Variants in SCFD2 observed in about 807,000 individuals in gnomAD.
The protein encoded by SCFD2 is sec1 family domain containing 2.
In SCFD2, 54 loss-of-function variants were observed where a neutral mutation model predicts 58.9. The ratio of observed to expected loss-of-function variants is 0.92; its 90% CI spans 0.74 to 1.15. The LOEUF is 1.15. SCFD2 is among the 50% of genes most tolerant of loss of function. SCFD2 has a pLI of 0.00. For synonymous variants in SCFD2, 321 were observed against 335.9 expected, an observed-to-expected ratio of 0.96 and a Z score of 0.49; for missense variants, 805 against 836.6, an observed-to-expected ratio of 0.96 and a Z score of 0.47.
chr4:53,046,149 T>C (rs951338204), intron 5 of SCFD2, among the ~76,000 whole-genome samples: 3 of 152,166 alleles, frequency 2.0e-5, no homozygotes, highest in African/African-American at 7.2e-5. Context: ...TAAAAAATCT[T>C]TTCAAAACAA....
intron 5 of SCFD2, among the ~76,000 whole-genome samples, chr4:53,040,612 G>A (rs979143721): frequency 2.0e-5 from 3 of 152,032 alleles, no homozygotes; most frequent in South Asian, 2.1e-4. Flanking sequence ...AAAAATTTCC[G>A]AGGAATGCCC....
At chr4:53,223,961 G>T (rs1729122581) in intron 4 of SCFD2, among the ~76,000 whole-genome samples, 1 of 152,188 alleles carries the variant, frequency 6.6e-6, no homozygotes, top group Non-Finnish European at 1.5e-5. Context: ...GATAAAGATG[G>T]TCATAAATTC....
intron 4 of SCFD2, among the ~76,000 whole-genome samples, chr4:53,155,410 A>G (rs1463344360): frequency 6.6e-6 from 1 of 152,202 alleles, no homozygotes; most frequent in Non-Finnish European, 1.5e-5. Flanking sequence ...TGCAGCAAAA[A>G]GGCCTCACCA....
chr4:53,139,675 C>T (rs1280236715), intron 5 of SCFD2, among the ~76,000 whole-genome samples: 4 of 152,170 alleles, frequency 2.6e-5, no homozygotes. Flanking sequence ...TGAGGAGCCC[C>T]TCTGCCCGGC....
chr4:53,154,269 C>T (rs1330181410), intron 4 of SCFD2, among the ~76,000 whole-genome samples: 2 of 152,160 alleles, frequency 1.3e-5, no homozygotes, highest in African/African-American at 4.8e-5. Flanking sequence ...AAGCATGGCA[C>T]AAGCATCTGC....
intron 7 of SCFD2, among the ~76,000 whole-genome samples, chr4:52,892,217 T>C (rs933535580): frequency 1.3e-5 from 2 of 152,178 alleles, no homozygotes; most frequent in Non-Finnish European, 2.9e-5. Context: ...CCTCCACTCA[T>C]TTACGGCTGC....
At chr4:53,240,310 A>G (rs1729854945) in intron 4 of SCFD2, among the ~76,000 whole-genome samples, 1 of 152,240 alleles carries the variant, frequency 6.6e-6, no homozygotes. Flanking sequence ...AGAAAAAAAT[A>G]GTTTCAACTA....
intron 4 of SCFD2, among the ~76,000 whole-genome samples, chr4:53,234,887 T>C (rs979767515): frequency 3.9e-5 from 6 of 152,228 alleles, no homozygotes; most frequent in Admixed American, 2.0e-4. Flanking sequence ...TTAAGCAAGA[T>C]AGGAATGTAT....
In SCFD2 at chr4:53,215,036, C is replaced by T. The variant is rs994710372; in HGVS notation, c.1311+58790G>A. Among the ~76,000 whole-genome samples the T allele has an allele frequency of 4.7e-3, 711 of 152,142 alleles. 4 individuals carry two copies. Among genetic ancestry groups the T allele is most frequent in the South Asian group, 7.5e-3 (36 of 4,820 alleles). On this transcript the variant is annotated intron_variant, in intron 4 of 8. Coordinates refer to ENST00000401642, the MANE Select transcript of SCFD2 (RefSeq NM_152540.4). ...TATCTCTGTTTTGGTACCAGTACCACGCTGTTTTGGTTACTGTAGCCTTGT... is the reference window on the plus strand; with the variant it reads ...TATCTCTGTTTTGGTACCAGTACCATGCTGTTTTGGTTACTGTAGCCTTGT...
In SCFD2 at chr4:53,232,369, A is replaced by G. The variant is rs79979969; in HGVS notation, c.1311+41457T>C. On this transcript the variant is annotated intron_variant, in intron 4 of 8. Transcript: ENST00000401642. Reference sequence around the variant, plus strand: ...GCTCCACGTGGAAGGGTGATAATCTATCAATTTTTAACACATATTTTTCCC... The same window carrying G: ...GCTCCACGTGGAAGGGTGATAATCTGTCAATTTTTAACACATATTTTTCCC... Among the ~76,000 whole-genome samples, 6 of 152,278 alleles carry G rather than the reference A, an allele frequency of 3.9e-5. No homozygotes were observed. The East Asian group carries it at 1.2e-3, about 29-fold the overall frequency.
At chr4:53,279,969 T>C (rs1731456174) in intron 3 of SCFD2, among the ~76,000 whole-genome samples, 1 of 152,190 alleles carries the variant, frequency 6.6e-6, no homozygotes, top group Non-Finnish European at 1.5e-5. Flanking sequence ...ATTATGGGGA[T>C]TACAATTCAA....
intron 5 of SCFD2, among the ~76,000 whole-genome samples, chr4:53,114,343 T>C (rs1467882870): frequency 3.9e-5 from 6 of 152,124 alleles, no homozygotes; most frequent in African/African-American, 1.2e-4. Context: ...TCCTGGTAAG[T>C]TGAAGTTACC....
chr4:53,303,693 G>A (rs1459838553), intron 3 of SCFD2, among the ~76,000 whole-genome samples: 1 of 151,958 alleles, frequency 6.6e-6, no homozygotes, highest in African/African-American at 2.4e-5. Context: ...CAAAGACTTG[G>A]AACCAACCCA....
At chr4:53,100,406 AAAAT>A (rs1276295199) in intron 5 of SCFD2, among the ~76,000 whole-genome samples, 3 of 152,236 alleles carry the variant, frequency 2.0e-5, no homozygotes, top group Non-Finnish European at 1.5e-5. Flanking sequence ...ATACAAACAA[AAAAT>A]AAATGTGTAC....
chr4:53,049,226 T>C (rs535521024), intron 5 of SCFD2, among the ~76,000 whole-genome samples: 23 of 152,298 alleles, frequency 1.5e-4, no homozygotes, highest in African/African-American at 5.5e-4. Flanking sequence ...CAAGATATGA[T>C]ACCAAGAATG....
intron 4 of SCFD2, among the ~76,000 whole-genome samples, chr4:53,260,057 T>G (rs1730784280): frequency 6.6e-6 from 1 of 151,588 alleles, no homozygotes; most frequent in Non-Finnish European, 1.5e-5. Context: ...TAGTGGTTTA[T>G]AGATTTGTGT....
chr4:52,893,637 G>C (rs1007249131), intron 7 of SCFD2, among the ~76,000 whole-genome samples: 5 of 152,228 alleles, frequency 3.3e-5, no homozygotes, highest in African/African-American at 9.6e-5. Flanking sequence ...AGCCACAGTT[G>C]ATTGGTCCTG....
chr4:53,197,496 C>G (rs950345675), intron 4 of SCFD2, among the ~76,000 whole-genome samples: 18 of 151,988 alleles, frequency 1.2e-4, no homozygotes, highest in African/African-American at 4.3e-4. Context: ...GAAATTATTA[C>G]AAAATTTCAG....
intron 4 of SCFD2, among the ~76,000 whole-genome samples, chr4:53,258,976 T>A (rs1334507236): frequency 6.6e-6 from 1 of 152,180 alleles, no homozygotes; most frequent in African/African-American, 2.4e-5. Flanking sequence ...TGATAATTTG[T>A]GATGTTGAGC....
Sources: allele counts gnomAD v4.1 joint callset (sites outside exome capture counted in the v4.1 genomes callset), GRCh38; gene constraint gnomAD v4.1.1; transcripts MANE v1.5; gene names NCBI Gene and HGNC (gene_info 2026-07-23, HGNC 2026-07-21).